Variants in TEX11 observed in about 807,000 individuals in gnomAD.
TEX11 encodes the protein testis expressed 11, also known as testis-expressed protein 11.
A neutral mutation model predicts 84.4 loss-of-function variants in TEX11; 7 were observed. The ratio of observed to expected loss-of-function variants is 0.08; its 90% confidence interval spans 0.05 to 0.16. The LOEUF (loss-of-function observed/expected upper bound fraction) is 0.16. TEX11 is among the 10% of genes least tolerant of loss of function. The pLI, the probability that TEX11 is intolerant of heterozygous loss-of-function variation, is 1.00. For synonymous variants in TEX11, 264 were observed against 222.8 expected (o/e 1.18, Z -1.64); for missense variants, 551 against 660.5 (o/e 0.83, Z 1.82).
chrX:70,811,006 A>T (rs751650995), intron 8 of TEX11, among the ~76,000 whole-genome samples: 3 of 111,691 alleles, frequency 2.7e-5, no homozygotes, highest in Non-Finnish European at 3.8e-5. Context: ...GTCGTTACAA[A>T]TATTCCAATG....
At chrX:70,906,091 ATATATATAT>A (rs1390355782) in intron 2 of TEX11, among the ~76,000 whole-genome samples, 1 of 3,537 alleles carries the variant, frequency 2.8e-4, no homozygotes, top group Non-Finnish European at 4.0e-4. Flanking sequence ...AAAAAAAAAA[ATATATATAT>A]ATATATATAT....
Position 70,744,153 on chromosome X carries a change from C to A in TEX11, c.747+12G>T, listed in dbSNP as rs1706320163. 3 of 1,026,096 alleles carry A rather than the reference C, an allele frequency of 2.9e-6. No homozygotes were observed. Among genetic ancestry groups the A allele is most frequent in the Admixed American group, 3.2e-5 (1 of 31,436 alleles). 84.6% of individuals were successfully genotyped at this position (1,026,096 alleles called of 1,213,427 possible). On this transcript the variant is annotated intron_variant, in intron 10 of 29. Transcript: ENST00000374333. ...TTCAACCTATTTCTACAATATTTAA[C>A]ATGATCCTTACCAGCATTTCTGGCC...
At chrX:70,829,460 T>G (rs2091364277) in intron 8 of TEX11, among the ~76,000 whole-genome samples, 1 of 85,277 alleles carries the variant, frequency 1.2e-5, no homozygotes, top group Non-Finnish European at 2.1e-5. Context: ...CCAGCCTGGG[T>G]GACAGAGCAA....
intron 13 of TEX11, among the ~76,000 whole-genome samples, chrX:70,693,958 T>C (rs2090257914): frequency 8.9e-6 from 1 of 112,197 alleles, no homozygotes; most frequent in African/African-American, 3.2e-5. Context: ...AAAGGAAGTT[T>C]TCCTGTATAA....
intron 9 of TEX11, among the ~76,000 whole-genome samples, chrX:70,775,799 C>CAAAAAAAAAAAAAAAG (rs55995616): frequency 2.3e-5 from 1 of 44,080 alleles, no homozygotes; most frequent in Non-Finnish European, 3.8e-5. Flanking sequence ...GACTCCGTCT[C>CAAAAAAAAAAAAAAAG]AAAAAAAAAA....
chrX:70,768,469 T>A (rs1265871652), intron 9 of TEX11, among the ~76,000 whole-genome samples: 1 of 111,235 alleles, frequency 9.0e-6, no homozygotes, highest in Admixed American at 9.6e-5. Context: ...GACAGGGTAA[T>A]TTATAAAGAA....
chrX:70,605,563 C>T (rs1385149505), intron 23 of TEX11, 46 bp from the exon 24 acceptor site: 13 of 875,613 alleles, frequency 1.5e-5, no homozygotes, highest in Non-Finnish European at 2.0e-5. Flanking sequence ...AGAATTCTGC[C>T]AGGTGAACAC....
chrX:70,524,494 C>G (rs767296434), downstream of TEX11, among the ~76,000 whole-genome samples: 1 of 112,793 alleles, frequency 8.9e-6, no homozygotes. Flanking sequence ...AAGACAGACT[C>G]TGCATCCAAA....
intron 7 of TEX11, among the ~76,000 whole-genome samples, chrX:70,843,099 C>A (rs929609846): frequency 9.0e-6 from 1 of 111,539 alleles, no homozygotes; most frequent in African/African-American, 3.3e-5. Context: ...AAGCTACCAA[C>A]AACTTTCTTC....
Position 70,750,306 on chromosome X carries a change from C to A in TEX11, c.693-6087G>T, listed in dbSNP as rs776168947. Among the ~76,000 whole-genome samples, 5 of 111,307 alleles carry A rather than the reference C, an allele frequency of 4.5e-5. No homozygotes were observed. In the East Asian group the frequency reaches 1.4e-3, roughly 31 times the overall value. ...TGGAGAGGATGTGGAGAAATAGGAA[C>A]GCTTCTACACTGTTGGTGGGACTGT... is the stretch of plus-strand genomic sequence containing the variant. On this transcript the variant is annotated intron_variant, in intron 9 of 29. Transcript: ENST00000374333.
chrX:70,553,995 C>T (rs768747587), intron 26 of TEX11, among the ~76,000 whole-genome samples: 1 of 111,299 alleles, frequency 9.0e-6, no homozygotes, highest in South Asian at 3.8e-4. Flanking sequence ...TCTGTCTTGG[C>T]AAGACCAAGG....
chrX:70,555,745 T>C (rs1443695838), intron 25 of TEX11, among the ~76,000 whole-genome samples: 2 of 112,204 alleles, frequency 1.8e-5, no homozygotes, highest in African/African-American at 6.5e-5. Context: ...TGGTATTACA[T>C]CTTCTTTAAA....
chrX:70,653,771 C>T (rs1451385050), intron 16 of TEX11, among the ~76,000 whole-genome samples: 2 of 111,661 alleles, frequency 1.8e-5, no homozygotes, highest in East Asian at 5.6e-4. Flanking sequence ...TCATAACTGC[C>T]AAAATTTGGA....
intron 9 of TEX11, among the ~76,000 whole-genome samples, chrX:70,779,330 G>T (rs1444400021): frequency 9.7e-6 from 1 of 102,617 alleles, no homozygotes; most frequent in Non-Finnish European, 1.9e-5. Context: ...GAGGAGAATT[G>T]CTTGAACCCA....
chrX:70,832,205 T>C (rs1271400873), intron 8 of TEX11, among the ~76,000 whole-genome samples: 1 of 111,642 alleles, frequency 9.0e-6, no homozygotes, highest in Non-Finnish European at 1.9e-5. Flanking sequence ...TAAACCCACA[T>C]TAAATCACAT....
intron 18 of TEX11, among the ~76,000 whole-genome samples, chrX:70,627,111 GTGACCT>G (rs2089458821): frequency 8.9e-6 from 1 of 112,305 alleles, no homozygotes; most frequent in Admixed American, 9.4e-5. Context: ...GAGGTCATTG[GTGACCT>G]TGACAAAAGC....
At chrX:70,873,545 C>T (rs775112590) in intron 3 of TEX11, among the ~76,000 whole-genome samples, 1 of 111,531 alleles carries the variant, frequency 9.0e-6, no homozygotes, top group Non-Finnish European at 1.9e-5. Context: ...TATTGATATA[C>T]CTTCACCTGA....
intron 13 of TEX11, among the ~76,000 whole-genome samples, chrX:70,722,225 C>A (rs1012879370): frequency 8.9e-6 from 1 of 112,092 alleles, no homozygotes; most frequent in Non-Finnish European, 1.9e-5. Flanking sequence ...CCATTAGCTA[C>A]ATGCAGCTAT....
chrX:70,774,594 CAAGAAA>C (rs2147779984), intron 9 of TEX11, among the ~76,000 whole-genome samples: 1 of 111,056 alleles, frequency 9.0e-6, no homozygotes, highest in African/African-American at 3.3e-5. Flanking sequence ...AGAAAGAAAT[CAAGAAA>C]AATACCCCAT....
Sources: gnomAD v4.1 joint callset for allele counts (sites outside exome capture counted in the v4.1 genomes callset) on GRCh38, gnomAD v4.1.1 for gene constraint, MANE v1.5 for transcripts, NCBI Gene and HGNC (gene_info 2026-07-23, HGNC 2026-07-21) for gene names.